The following TMEM26 variants were observed in gnomAD, a reference collection of about 807,000 sequenced individuals.
TMEM26 encodes transmembrane protein 26.
In TMEM26, 38 loss-of-function variants were observed where a neutral mutation model predicts 28.8. The observed-to-expected ratio is 1.32, with a 90% CI of 1.02 to 1.73. The LOEUF is 1.73. Ranked by LOEUF, TMEM26 falls within the 40% of genes most tolerant of loss-of-function variation. The probability of loss-of-function intolerance (pLI) is 0.00; values close to 1 mark genes in which losing one functional copy is unlikely to be tolerated. For synonymous variants in TMEM26, 227 were observed against 182.9 expected (o/e 1.24, Z -1.95); for missense variants, 518 against 447.1 (o/e 1.16, Z -1.43).
At chr10:61,431,096 C>A (rs1172220612) in intron 3 of TMEM26, 123 bp downstream of exon 3, 1 of 723,876 alleles carries the variant, frequency 1.4e-6, no homozygotes. Flanking sequence ...AATTCCTAAG[C>A]CAAACAATGG....
chr10:61,423,414 A>T (rs1839779760), intron 4 of TMEM26, among the ~76,000 whole-genome samples: 1 of 152,204 alleles, frequency 6.6e-6, no homozygotes, highest in Non-Finnish European at 1.5e-5. Context: ...TATGCCTCAT[A>T]AGCAAATGTT....
intron 4 of TMEM26, among the ~76,000 whole-genome samples, chr10:61,417,745 A>T (rs1484378978): frequency 6.6e-6 from 1 of 152,002 alleles, no homozygotes; most frequent in Non-Finnish European, 1.5e-5. Context: ...GGGAAAAAAG[A>T]CTGCACAAAG....
In TMEM26 at chr10:61,408,170, C is replaced by G. The variant is rs2135281258; in HGVS notation, c.*2152G>C. ...GCCCCAAGCAGATTTTCCTGGAAAA[C>G]CTTGCAGAAGCTGGGTCTATTTTTG... On this transcript the variant is annotated 3_prime_UTR_variant, in exon 6 of 6. Coordinates refer to ENST00000399298, the MANE Select transcript of TMEM26 (RefSeq NM_178505.8). 6.6e-6 allele frequency: 1 copy of G among 152,172 alleles called. No homozygotes were observed. Among genetic ancestry groups the G allele is most frequent in the South Asian group, 2.1e-4 (1 of 4,820 alleles). The allele number at this position is 152,172 out of a possible 1,614,324, so 9.4% of individuals were successfully genotyped here.
At chr10:61,438,214 T>G (rs1840039261) in intron 1 of TMEM26, among the ~76,000 whole-genome samples, 1 of 152,066 alleles carries the variant, frequency 6.6e-6, no homozygotes, top group Admixed American at 6.6e-5. Context: ...AGGTTATGGG[T>G]CATGATATTA....
rs777459941 is a variant in TMEM26, at chr10:61,410,614, C to T, written c.815G>A (p.Arg272His). ...FIQDGPFLVV[R>H]LILMTYFKVI... ...TTTGAAATAGGTCATCAGTATGAGA[C>T]GCACGACAAGGAAGGGGCCATCTTG... is the stretch of plus-strand genomic sequence containing the variant. Residue 272 changes from arginine (R) to histidine (H), a missense_variant, in exon 6 of 6, where the codon CGT (arginine) becomes CAT (histidine). Physicochemically the swap from Arg to His is conservative, Grantham distance 29 (BLOSUM62 0). Transcript: ENST00000399298. 16 of 1,613,940 alleles carry T rather than the reference C, an allele frequency of 9.9e-6. No homozygotes were observed. In the East Asian group the frequency reaches 2.5e-4, roughly 25 times the overall value.
chr10:61,447,330 C>T lies in TMEM26; in HGVS notation c.191+5561G>A, dbSNP rs182663799. ...CAGAATTACATCATACAAAGTTCTC[C>T]CGCATTGCTTAAAACTTATACATCA... is the stretch of plus-strand genomic sequence containing the variant. On this transcript the variant is annotated intron_variant, in intron 1 of 5. Coordinates refer to ENST00000399298, the MANE Select transcript of TMEM26 (RefSeq NM_178505.8). 3.3e-5 allele frequency among the ~76,000 whole-genome samples: 5 copies of T among 152,334 alleles called. No individual in the cohort carries two copies. The South Asian group carries it at 8.3e-4, about 25-fold the overall frequency.
chr10:61,408,501 A>G lies in TMEM26; in HGVS notation c.*1821T>C, dbSNP rs1839523772. The G allele has an allele frequency of 1.3e-5, 2 of 152,376 alleles. No individual in the cohort carries two copies. The highest frequency in any genetic ancestry group is 2.9e-5 in the Non-Finnish European group (2 of 68,042). The allele number at this position is 152,376 out of a possible 1,614,324, so 9.4% of individuals were successfully genotyped here. ...GTATGCCATGAGCAAATCTGCAATAATAAGCAGCACATACATGTTGTGGAA... is the reference window on the plus strand; with the variant it reads ...GTATGCCATGAGCAAATCTGCAATAGTAAGCAGCACATACATGTTGTGGAA... On this transcript the variant is annotated 3_prime_UTR_variant, in exon 6 of 6. Transcript: ENST00000399298.
At chr10:61,449,359 A>T (rs1840237800) in intron 1 of TMEM26, among the ~76,000 whole-genome samples, 1 of 152,208 alleles carries the variant, frequency 6.6e-6, no homozygotes, top group Non-Finnish European at 1.5e-5. Flanking sequence ...CAACAAATCA[A>T]ACCTCTCCAA....
At chr10:61,423,598 G>A (rs546386301) in intron 4 of TMEM26, among the ~76,000 whole-genome samples, 70 of 152,144 alleles carry the variant, frequency 4.6e-4, no homozygotes, top group African/African-American at 1.0e-3. Context: ...CAAATTAGCC[G>A]GTGAGGGCCT....
At chr10:61,412,034 G>A (rs538263430) in intron 5 of TMEM26, among the ~76,000 whole-genome samples, 1 of 152,298 alleles carries the variant, frequency 6.6e-6, no homozygotes, top group African/African-American at 2.4e-5. Context: ...CAAGATATGG[G>A]AGGGTGAGGA....
intron 5 of TMEM26, among the ~76,000 whole-genome samples, chr10:61,412,056 A>G (rs954833264): frequency 6.6e-6 from 1 of 152,174 alleles, no homozygotes; most frequent in Non-Finnish European, 1.5e-5. Context: ...CGGCAGAGTG[A>G]AAGACAAAAG....
At chr10:61,411,911 T>A (rs894553322) in intron 5 of TMEM26, among the ~76,000 whole-genome samples, 3 of 152,222 alleles carry the variant, frequency 2.0e-5, no homozygotes, top group African/African-American at 7.2e-5. Flanking sequence ...AATGATTTAG[T>A]CAGAAGTAAC....
intron 1 of TMEM26, among the ~76,000 whole-genome samples, chr10:61,443,854 G>A (rs1840135837): frequency 1.3e-5 from 2 of 152,126 alleles, no homozygotes; most frequent in African/African-American, 4.8e-5. Flanking sequence ...ACAAACTCCA[G>A]CAATATGTTT....
intron 1 of TMEM26, among the ~76,000 whole-genome samples, chr10:61,445,547 G>GTTTTTTTTTTTTTTTTTTTTT (rs1564483971): frequency 6.6e-6 from 1 of 152,052 alleles, no homozygotes; most frequent in African/African-American, 2.4e-5. Context: ...TAGGTAATAG[G>GTTTTTTTTTTTTTTTTTTTTT]TTTATATTCA....
intron 1 of TMEM26, among the ~76,000 whole-genome samples, chr10:61,440,793 GC>G (rs773573402): frequency 2.0e-4 from 30 of 152,176 alleles, no homozygotes; most frequent in Middle Eastern, 6.8e-3. Context: ...TCTAAATAAC[GC>G]AAGCACCAGA....
In TMEM26 at chr10:61,410,335, T is replaced by G; in HGVS notation, c.1094A>C (p.His365Pro). The G allele has an allele frequency of 6.2e-7, 1 of 1,611,158 alleles. No individual in the cohort carries two copies. Among genetic ancestry groups the G allele is most frequent in the East Asian group, 2.2e-5 (1 of 44,822 alleles). Reference protein sequence around the residue: ...RGSPVTSDDSHHTP With the variant: ...RGSPVTSDDSPHTP ...GTCAATCAATAACTAAGGGGTGTGG[T>G]GGGAGTCGTCGGAGGTGACTGGGGA... Residue 365 changes from histidine (H) to proline (P), a missense_variant, in exon 6 of 6, where the codon CAC becomes CCC. His to Pro is a moderately conservative substitution (Grantham distance 77, BLOSUM62 -2). Coordinates refer to ENST00000399298, the MANE Select transcript of TMEM26 (RefSeq NM_178505.8).
At chr10:61,431,715 G>GT (rs77720990) in intron 2 of TMEM26, among the ~76,000 whole-genome samples, 2,278 of 146,162 alleles carry the variant, frequency 0.016, 43 homozygotes, top group East Asian at 0.082. Context: ...AAATTACAGT[G>GT]TTTTTTTTTT....
intron 5 of TMEM26, chr10:61,412,814 G>A (rs747609135): frequency 1.4e-4 from 52 of 384,194 alleles, no homozygotes; most frequent in Admixed American, 4.3e-4. Flanking sequence ...TGTGGTTGGT[G>A]GGTCCCCTGT....
chr10:61,424,845 T>G (rs1234317572), intron 4 of TMEM26, among the ~76,000 whole-genome samples: 2 of 152,170 alleles, frequency 1.3e-5, no homozygotes, highest in Non-Finnish European at 2.9e-5. Context: ...CAAATGGTAT[T>G]GGGAAAATTA....
Sources: gnomAD v4.1 joint callset for allele counts (sites outside exome capture counted in the v4.1 genomes callset) on GRCh38, gnomAD v4.1.1 for gene constraint, MANE v1.5 for transcripts, NCBI Gene and HGNC (gene_info 2026-07-23, HGNC 2026-07-21) for gene names.